The following USP22 variants were observed in gnomAD, a reference collection of about 807,000 sequenced individuals.
USP22 encodes ubiquitin specific peptidase 22.
In USP22, 22 loss-of-function variants were observed where a neutral mutation model predicts 68.1. That is an observed-to-expected ratio of 0.32 (90% CI 0.23 to 0.46). USP22 has a LOEUF of 0.46. Among genes scored for constraint, USP22 ranks in the 20% least tolerant of loss-of-function variants. The pLI, the probability that USP22 is intolerant of heterozygous loss-of-function variation, is 1.00. For synonymous variants in USP22, 279 were observed against 274.2 expected, an observed-to-expected ratio of 1.02 and a Z score of -0.17; for missense variants, 433 against 695.8, an observed-to-expected ratio of 0.62 and a Z score of 4.25.
chr17:21,025,116 T>C (rs1044315422), intron 2 of USP22, among the ~76,000 whole-genome samples: 6 of 152,040 alleles, frequency 3.9e-5, no homozygotes, highest in Non-Finnish European at 8.8e-5. Flanking sequence ...GTATCCAGAA[T>C]ATACACACAC....
intron 1 of USP22, among the ~76,000 whole-genome samples, chr17:21,029,597 T>C (rs947395294): frequency 2.0e-5 from 3 of 152,134 alleles, no homozygotes; most frequent in African/African-American, 7.3e-5. Flanking sequence ...AAAAAAATAC[T>C]GTGTCATTCA....
At chr17:21,039,451 C>T (rs1972399374) in intron 1 of USP22, among the ~76,000 whole-genome samples, 1 of 151,976 alleles carries the variant, frequency 6.6e-6, no homozygotes, top group African/African-American at 2.4e-5. Context: ...GTGGCGCATG[C>T]CTGTAATCCC....
intron 6 of USP22, among the ~76,000 whole-genome samples, chr17:21,013,900 C>T (rs1002164200): frequency 6.6e-6 from 1 of 152,168 alleles, no homozygotes; most frequent in Non-Finnish European, 1.5e-5. Context: ...CGGTGAAACC[C>T]CGTCTCTACT....
chr17:21,039,336 G>A (rs574288757), intron 1 of USP22, among the ~76,000 whole-genome samples: 2 of 151,880 alleles, frequency 1.3e-5, no homozygotes, highest in Non-Finnish European at 2.9e-5. Flanking sequence ...CCAGCACTTT[G>A]GGAGGCCAAG....
At chr17:21,040,275 T>C (rs1473443925) in intron 1 of USP22, among the ~76,000 whole-genome samples, 1 of 152,244 alleles carries the variant, frequency 6.6e-6, no homozygotes, top group African/African-American at 2.4e-5. Flanking sequence ...CTGTTAATCA[T>C]CAGGTTTGTT....
intron 6 of USP22, among the ~76,000 whole-genome samples, chr17:21,013,764 A>T (rs1159013671): frequency 6.6e-6 from 1 of 152,232 alleles, no homozygotes; most frequent in Non-Finnish European, 1.5e-5. Context: ...ATATCCATAC[A>T]GGAAGGCGCA....
upstream of USP22, chr17:21,043,385 G>A (rs1323188528): frequency 1.6e-5 from 4 of 247,602 alleles, no homozygotes; most frequent in Non-Finnish European, 2.2e-5. Context: ...CCGGGACCCT[G>A]GCGGCTAGAC....
At chr17:21,019,606 A>AC (rs1972129324) in intron 3 of USP22, among the ~76,000 whole-genome samples, 9 of 152,302 alleles carry the variant, frequency 5.9e-5, no homozygotes, top group Admixed American at 2.0e-4. Context: ...GCATAAACTC[A>AC]GCGTCGAGTT....
chr17:21,013,543 G>A (rs7215369), intron 6 of USP22, among the ~76,000 whole-genome samples: 114,599 of 152,184 alleles, frequency 0.75, 43,560 homozygotes, highest in South Asian at 0.82. Context: ...CTTAATTCGT[G>A]TGTGGAATAC....
intron 10 of USP22, chr17:21,005,283 G>A (rs1241282296): frequency 2.6e-6 from 1 of 388,422 alleles, no homozygotes; most frequent in Non-Finnish European, 4.7e-6. Context: ...GGAGGAATGT[G>A]AGTTTGGTTT....
intron 1 of USP22, among the ~76,000 whole-genome samples, chr17:21,029,738 A>G (rs570768343): frequency 6.6e-6 from 1 of 152,380 alleles, no homozygotes; most frequent in Non-Finnish European, 1.5e-5. Context: ...CACATGCTAC[A>G]GTGCAGACTA....
At chr17:21,013,423 T>A (rs544868506) in intron 6 of USP22, among the ~76,000 whole-genome samples, 1 of 152,314 alleles carries the variant, frequency 6.6e-6, no homozygotes, top group East Asian at 1.9e-4. Flanking sequence ...GGACAGCGTG[T>A]CTTCCAGTCA....
chr17:21,029,785 AAC>A (rs1363817636), intron 1 of USP22, among the ~76,000 whole-genome samples: 2 of 152,252 alleles, frequency 1.3e-5, no homozygotes, highest in East Asian at 3.8e-4. Context: ...GGAAGCCAGA[AAC>A]AAAGGGTCAC....
chr17:21,002,816 A>G lies in USP22; in HGVS notation c.*215T>C. Reference sequence around the variant, plus strand: ...CCACCCAGAGCACACCCCTCATCTCATCCATCTTCAAAGCAGCTCCAGGAG... The same window carrying G: ...CCACCCAGAGCACACCCCTCATCTCGTCCATCTTCAAAGCAGCTCCAGGAG... On this transcript the variant is annotated 3_prime_UTR_variant, in exon 13 of 13. Coordinates refer to ENST00000261497, the MANE Select transcript of USP22 (RefSeq NM_015276.2). 1 of 556,164 alleles carries G rather than the reference A, an allele frequency of 1.8e-6. No homozygotes were observed. Among genetic ancestry groups the G allele is most frequent in the South Asian group, 1.8e-5 (1 of 54,134 alleles). 34.5% of individuals were successfully genotyped at this position (556,164 alleles called of 1,614,324 possible). A position where few individuals can be genotyped will look rare whatever the true frequency, so the allele number is the denominator to read the frequency against.
intron 7 of USP22, among the ~76,000 whole-genome samples, chr17:21,012,526 G>C (rs1263869548): frequency 6.6e-6 from 1 of 151,996 alleles, no homozygotes; most frequent in Non-Finnish European, 1.5e-5. Flanking sequence ...CTTTCACTTG[G>C]TCCCTGGTCA....
chr17:21,008,769 A>T (rs1033304237), intron 8 of USP22, among the ~76,000 whole-genome samples: 1 of 152,090 alleles, frequency 6.6e-6, no homozygotes, highest in Non-Finnish European at 1.5e-5. Context: ...ATCTACAATG[A>T]TCTCAACATA....
intron 1 of USP22, among the ~76,000 whole-genome samples, chr17:21,039,500 G>A (rs1283559759): frequency 6.6e-6 from 1 of 151,962 alleles, no homozygotes; most frequent in Non-Finnish European, 1.5e-5. Context: ...GGAGGGGGAG[G>A]CTGTGGTGAG....
intron 9 of USP22, 88 bp downstream of exon 9, chr17:21,007,782 T>G: frequency 6.6e-7 from 1 of 1,520,098 alleles, no homozygotes; most frequent in Non-Finnish European, 9.0e-7. Flanking sequence ...ATAAAAAATG[T>G]AACTGCACAG....
At chr17:21,035,644 C>G (rs984700100) in intron 1 of USP22, among the ~76,000 whole-genome samples, 1 of 152,114 alleles carries the variant, frequency 6.6e-6, no homozygotes, top group Non-Finnish European at 1.5e-5. Context: ...AAGCAAAAAA[C>G]TGTAAGAAAG....
Sources: gnomAD v4.1 joint callset for allele counts (sites outside exome capture counted in the v4.1 genomes callset) on GRCh38, gnomAD v4.1.1 for gene constraint, MANE v1.5 for transcripts, NCBI Gene and HGNC (gene_info 2026-07-23, HGNC 2026-07-21) for gene names.